PTF1A: variants seen among roughly 807,000 people sequenced by gnomAD.
The protein encoded by PTF1A is pancreas transcription factor 1 subunit alpha.
In PTF1A, 18 loss-of-function variants were observed where a neutral mutation model predicts 22.6. The ratio of observed to expected loss-of-function variants is 0.80; its 90% CI spans 0.55 to 1.18. The LOEUF (loss-of-function observed/expected upper bound fraction) is 1.18. Among genes scored for constraint, PTF1A ranks in the 50% most tolerant of loss-of-function variants. The pLI is 0.00. For missense variants in PTF1A, 477 were observed against 473.0 expected (o/e 1.01, Z -0.08); for synonymous variants, 259 against 227.9 (o/e 1.14, Z -1.23).
chr10:23,192,450 G>A lies in PTF1A; in HGVS notation c.-81G>A. 3 of 1,563,084 alleles carry A rather than the reference G, an allele frequency of 1.9e-6. No individual in the cohort carries two copies. Among genetic ancestry groups the A allele is most frequent in the South Asian group, 1.1e-5 (1 of 88,294 alleles). ...CCCCCAGCCAGGGCCCCGGGAGGGAGGGGCTCGGACGGGCCTTAGAAACTC... is the reference window on the plus strand; with the variant it reads ...CCCCCAGCCAGGGCCCCGGGAGGGAAGGGCTCGGACGGGCCTTAGAAACTC... On this transcript the variant is annotated 5_prime_UTR_variant, in exon 1 of 2. Coordinates refer to ENST00000376504, the MANE Select transcript of PTF1A (RefSeq NM_178161.3).
rs1291240550 is a variant in PTF1A, at chr10:23,192,489, A to ACGCGCAGCCCGGCAGT, written c.-40_-25dup. 1.3e-5 allele frequency: 20 copies of ACGCGCAGCCCGGCAGT among 1,592,284 alleles called. No homozygotes were observed. The highest frequency in any genetic ancestry group is 2.3e-5 in the East Asian group (1 of 42,952). ...CCTTAGAAACTCACCAAGAACTAAC[A>ACGCGCAGCCCGGCAGT]CGCGCAGCCCGGCAGTCCCGCTGCC... On this transcript the variant is annotated 5_prime_UTR_variant, in exon 1 of 2. Coordinates refer to ENST00000376504, the MANE Select transcript of PTF1A (RefSeq NM_178161.3).
Position 23,192,920 on chromosome 10 carries a change from A to G in PTF1A, c.390A>G (p.Ala130=), listed in dbSNP as rs1427350421. The G allele has an allele frequency of 1.6e-5, 20 of 1,224,928 alleles. No homozygotes were observed. The highest frequency in any genetic ancestry group is 1.9e-5 in the Non-Finnish European group (19 of 981,274). 75.9% of individuals were successfully genotyped at this position (1,224,928 alleles called of 1,614,324 possible). ...SCLAYPCAGA[A]VLSPGARLRG... ...TGGCCTACCCGTGCGCCGGGGCGGC[A>G]GTACTGTCTCCCGGGGCGCGGCTGC... Residue 130 remains alanine, a synonymous_variant, in exon 1 of 2, where the codon GCA becomes GCG. Coordinates refer to ENST00000376504, the MANE Select transcript of PTF1A (RefSeq NM_178161.3).
In PTF1A at chr10:23,192,639, G is replaced by A. The variant is rs1840903208; in HGVS notation, c.109G>A (p.Glu37Lys). ...CGACCAGTCTTCACGGGACCCCCTG[G>A]AGGACGGCGATGAGCTGCTGGCGGA... Reference protein sequence around the residue: ...FTDQSSRDPLEDGDELLADEQ... With the variant: ...FTDQSSRDPLKDGDELLADEQ... Residue 37 changes from glutamate (E) to lysine (K), a missense_variant, in exon 1 of 2, where the codon GAG becomes AAG. Physicochemically the swap from Glu to Lys is moderately conservative, Grantham distance 56. Transcript: ENST00000376504. 2.5e-6 allele frequency: 4 copies of A among 1,601,760 alleles called. No homozygotes were observed. Among genetic ancestry groups the A allele is most frequent in the Non-Finnish European group, 3.4e-6 (4 of 1,174,562 alleles).
Position 23,192,407 on chromosome 10 carries a change from C to T in PTF1A, c.-124C>T, listed in dbSNP as rs1351464701. 6.5e-6 allele frequency: 9 copies of T among 1,392,680 alleles called. No homozygotes were observed. The highest frequency in any genetic ancestry group is 8.6e-6 in the Non-Finnish European group (9 of 1,048,484). 86.3% of individuals were successfully genotyped at this position (1,392,680 alleles called of 1,614,324 possible). ...CCAGGGAGGCCCGGGGGCGGGCAGCCCGGCGGCCGCCTAGCTGCCCCCAGC... is the reference window on the plus strand; with the variant it reads ...CCAGGGAGGCCCGGGGGCGGGCAGCTCGGCGGCCGCCTAGCTGCCCCCAGC... On this transcript the variant is annotated 5_prime_UTR_variant, in exon 1 of 2. Transcript: ENST00000376504.
At position 23,193,737 on chromosome 10, in the gene PTF1A, T is replaced by C. The variant is rs1287713780; in HGVS notation, c.818T>C (p.Leu273Pro). 6.2e-7 allele frequency: 1 copy of C among 1,613,180 alleles called. No individual in the cohort carries two copies. The highest frequency in any genetic ancestry group is 8.5e-7 in the Non-Finnish European group (1 of 1,179,436). ...TCCCCCAGCGACCCTGATTATGGCC[T>C]CCCTCCCCTAGCAGGACACTCTCTC... is the stretch of plus-strand genomic sequence containing the variant. ...SPSPSDPDYG[L>P]PPLAGHSLSW... Residue 273 changes from leucine (L) to proline (P), a missense_variant, in exon 2 of 2, where the codon CTC becomes CCC. Transcript: ENST00000376504.
rs886046914 is a variant in PTF1A, at chr10:23,194,171, A to G, written c.*265A>G. The stretch of plus-strand genomic sequence containing the variant: ...CTGTGTTGTTGGGAGAACTCTGGCC[A>G]GAAAACGTCCTGCTTATTTATTGCC... On this transcript the variant is annotated 3_prime_UTR_variant, in exon 2 of 2. Transcript: ENST00000376504. 122 of 400,622 alleles carry G rather than the reference A, an allele frequency of 3.0e-4. No individual in the cohort carries two copies. The highest frequency in any genetic ancestry group is 5.0e-4 in the Non-Finnish European group (112 of 225,476). The allele number at this position is 400,622 out of a possible 1,614,324, so 24.8% of individuals were successfully genotyped here.
chr10:23,193,843 A>C lies in PTF1A; in HGVS notation c.924A>C (p.Lys308Asn). The C allele has an allele frequency of 1.2e-6, 2 of 1,614,040 alleles. No individual in the cohort carries two copies. The highest frequency in any genetic ancestry group is 1.7e-6 in the Non-Finnish European group (2 of 1,180,008). The change falls in exon 2 of 2, where the codon AAA becomes AAC. Residue 308 changes from lysine to asparagine, a missense_variant. Physicochemically the swap from Lys to Asn is moderately conservative, Grantham distance 94. Coordinates refer to ENST00000376504, the MANE Select transcript of PTF1A (RefSeq NM_178161.3). ...AKVWTPEDPR[K>N]LNSKSSFNNI... is the part of the protein sequence containing the mutation. Reference sequence around the variant, plus strand: ...TCTGGACCCCAGAGGACCCCAGAAAACTCAACAGCAAATCTTCCTTCAACA... The same window carrying C: ...TCTGGACCCCAGAGGACCCCAGAAACCTCAACAGCAAATCTTCCTTCAACA...
In PTF1A at chr10:23,193,243, G is replaced by A. The variant is rs1198450917; in HGVS notation, c.713G>A (p.Gly238Asp). The change falls in exon 1 of 2, where the codon GGC (glycine) becomes GAC (aspartate). Residue 238 changes from glycine (G) to aspartate (D), a missense_variant. Coordinates refer to ENST00000376504, the MANE Select transcript of PTF1A (RefSeq NM_178161.3). ...GGAGGCGGPG[G>D]GGRLGGDSPG... The stretch of plus-strand genomic sequence containing the variant: ...GCGGGCGGCTGCGGGGGGCCGGGCG[G>A]CGGCGGGCGCCTGGGCGGGGACAGC... 11 of 1,246,406 alleles carry A rather than the reference G, an allele frequency of 8.8e-6. No individual in the cohort carries two copies. The African/African-American group carries it at 1.7e-4, about 20-fold the overall frequency. The allele number at this position is 1,246,406 out of a possible 1,614,324, so 77.2% of individuals were successfully genotyped here. A position where few individuals can be genotyped will look rare whatever the true frequency, so the allele number is the denominator to read the frequency against.
At position 23,192,766 on chromosome 10, in the gene PTF1A, T is replaced by TAGCGCTCGCCCCGCC. The variant is rs1840908638; in HGVS notation, c.237_251dup (p.Ala80_Pro84dup). On this transcript the variant is annotated inframe_insertion, in exon 1 of 2. Transcript: ENST00000376504. ...CAGCCCGCGCCCCCGGCCGCCCCGC[T>TAGCGCTCGCCCCGCC]AGCGCTCGCCCCGCCGTCCTCGGGG... 8 of 1,396,896 alleles carry TAGCGCTCGCCCCGCC rather than the reference T, an allele frequency of 5.7e-6. No homozygotes were observed. Among genetic ancestry groups the TAGCGCTCGCCCCGCC allele is most frequent in the South Asian group, 1.6e-5 (1 of 61,408 alleles). 86.5% of individuals were successfully genotyped at this position (1,396,896 alleles called of 1,614,324 possible).
Position 23,192,331 on chromosome 10 carries a change from C to A in PTF1A, c.-200C>A. The A allele has an allele frequency of 2.1e-6, 1 of 480,008 alleles. No homozygotes were observed. The highest frequency in any genetic ancestry group is 3.4e-6 in the Non-Finnish European group (1 of 295,452). The allele number at this position is 480,008 out of a possible 1,614,324, so 29.7% of individuals were successfully genotyped here. A position where few individuals can be genotyped will look rare whatever the true frequency, so the allele number is the denominator to read the frequency against. ...TCAGCTCCAGGAAGTCCGCCACAGC[C>A]CTCCCCAGCGCAGCGCGAGCGCGGG... On this transcript the variant is annotated 5_prime_UTR_variant, in exon 1 of 2. Coordinates refer to ENST00000376504, the MANE Select transcript of PTF1A (RefSeq NM_178161.3).
At position 23,192,518 on chromosome 10, in the gene PTF1A, T is replaced by G. The variant is rs765377158; in HGVS notation, c.-13T>G. On this transcript the variant is annotated 5_prime_UTR_variant, in exon 1 of 2. Transcript: ENST00000376504. ...GCAGCCCGGCAGTCCCGCTGCCCAC[T>G]GCGGCGGCGAGCATGGACGCGGTGT... 1 of 1,592,212 alleles carries G rather than the reference T, an allele frequency of 6.3e-7. No individual in the cohort carries two copies. The highest frequency in any genetic ancestry group is 8.5e-7 in the Non-Finnish European group (1 of 1,171,312).
At position 23,192,983 on chromosome 10, in the gene PTF1A, C is replaced by G. The variant is rs1216661984; in HGVS notation, c.453C>G (p.Arg151=). Residue 151 remains arginine, a synonymous_variant, in exon 1 of 2, where the codon CGC becomes CGG. Transcript: ENST00000376504. ...GAGCGGCGGCTGCGGCGGCGCGGCG[C>G]CGGCGGCGGGTGCGCTCCGAGGCGG... is the stretch of plus-strand genomic sequence containing the variant. ...LSGAAAAAAR[R]RRRVRSEAEL... 7.9e-6 allele frequency: 9 copies of G among 1,134,700 alleles called. No individual in the cohort carries two copies. Among genetic ancestry groups the G allele is most frequent in the Middle Eastern group, 3.6e-4 (1 of 2,788 alleles). 70.3% of individuals were successfully genotyped at this position (1,134,700 alleles called of 1,614,324 possible).
rs1273123355 is a variant in PTF1A at position 23,193,525 on chromosome 10, CG to C, written c.785-178del. 4 of 738,640 alleles carry C rather than the reference CG, an allele frequency of 5.4e-6. No individual in the cohort carries two copies. In the African/African-American group the frequency reaches 7.0e-5, roughly 13 times the overall value. The allele number at this position is 738,640 out of a possible 1,614,324, so 45.8% of individuals were successfully genotyped here. A position where few individuals can be genotyped will look rare whatever the true frequency, so the allele number is the denominator to read the frequency against. On this transcript the variant is annotated intron_variant, in intron 1 of 1. Transcript: ENST00000376504. The stretch of plus-strand genomic sequence containing the variant: ...CGCGGCTCTCAAGGGCGCGCGTCCC[CG>C]CCAGACTTGCAGCTCCTCGGATTCC...
chr10:23,192,736 T>A lies in PTF1A; in HGVS notation c.206T>A (p.Leu69Gln), dbSNP rs1840907837. ...EYCYRDGACL[L>Q]LQPAPPAAPL... ...TGCTACCGCGACGGGGCGTGCCTGC[T>A]GCTGCAGCCCGCGCCCCCGGCCGCC... is the stretch of plus-strand genomic sequence containing the variant. Residue 69 changes from leucine to glutamine, a missense_variant, in exon 1 of 2, where the codon CTG becomes CAG. Coordinates refer to ENST00000376504, the MANE Select transcript of PTF1A (RefSeq NM_178161.3). The A allele has an allele frequency of 1.3e-6, 2 of 1,488,994 alleles. No individual in the cohort carries two copies. Among genetic ancestry groups the A allele is most frequent in the Non-Finnish European group, 1.8e-6 (2 of 1,121,968 alleles). 92.2% of individuals were successfully genotyped at this position (1,488,994 alleles called of 1,614,324 possible). A position where few individuals can be genotyped will look rare whatever the true frequency, so the allele number is the denominator to read the frequency against.
chr10:23,192,344 G>A lies in PTF1A; in HGVS notation c.-187G>A, dbSNP rs1475342495. 2 of 554,924 alleles carry A rather than the reference G, an allele frequency of 3.6e-6. No homozygotes were observed. The highest frequency in any genetic ancestry group is 4.0e-5 in the South Asian group (1 of 24,856). The allele number at this position is 554,924 out of a possible 1,614,324, so 34.4% of individuals were successfully genotyped here. ...GTCCGCCACAGCCCTCCCCAGCGCA[G>A]CGCGAGCGCGGGCCAGAGCGCAGCG... On this transcript the variant is annotated 5_prime_UTR_variant, in exon 1 of 2. Coordinates refer to ENST00000376504, the MANE Select transcript of PTF1A (RefSeq NM_178161.3).
chr10:23,192,434 A>C lies in PTF1A; in HGVS notation c.-97A>C, dbSNP rs941466295. On this transcript the variant is annotated 5_prime_UTR_variant, in exon 1 of 2. Coordinates refer to ENST00000376504, the MANE Select transcript of PTF1A (RefSeq NM_178161.3). ...GGCGGCCGCCTAGCTGCCCCCAGCC[A>C]GGGCCCCGGGAGGGAGGGGCTCGGA... 259 of 1,418,342 alleles carry C rather than the reference A, an allele frequency of 1.8e-4. No individual in the cohort carries two copies. The highest frequency in any genetic ancestry group is 7.1e-4 in the East Asian group (22 of 30,864). The allele number at this position is 1,418,342 out of a possible 1,614,324, so 87.9% of individuals were successfully genotyped here.
chr10:23,193,192 C>CCGAT lies in PTF1A; in HGVS notation c.665_666insTCGA (p.Leu223ArgfsTer49). The CCGAT allele has an allele frequency of 1.5e-6, 2 of 1,356,166 alleles. No individual in the cohort carries two copies. Among genetic ancestry groups the CCGAT allele is most frequent in the Non-Finnish European group, 1.9e-6 (2 of 1,045,204 alleles). 84.0% of individuals were successfully genotyped at this position (1,356,166 alleles called of 1,614,324 possible). A position where few individuals can be genotyped will look rare whatever the true frequency, so the allele number is the denominator to read the frequency against. On this transcript the variant is annotated frameshift_variant, in exon 1 of 2. Coordinates refer to ENST00000376504, the MANE Select transcript of PTF1A (RefSeq NM_178161.3). LOFTEE classifies it high-confidence loss of function. The stretch of plus-strand genomic sequence containing the variant: ...AACTTCCTCAGCGAGCTCGTGCAGG[C>CCGAT]CGACCTGCCCTTGCGCGGCGGTGGC...
At chr10:23,193,463 G>GTTTTTTTTTTTTTTTTT in intron 1 of PTF1A, 149 bp downstream of exon 1, 1 of 601,924 alleles carries the variant, frequency 1.7e-6, no homozygotes, top group Non-Finnish European at 2.6e-6. Context: ...CGCGTTTCTC[G>GTTTTTTTTTTTTTTTTT]TTTTTTTTTT....
chr10:23,192,904 C>T lies in PTF1A; in HGVS notation c.374C>T (p.Pro125Leu). ...TCGCCGCCCTCGTGCCTGGCCTACC[C>T]GTGCGCCGGGGCGGCAGTACTGTCT... Reference protein sequence around the residue: ...PGSPPSCLAYPCAGAAVLSPG... With the variant: ...PGSPPSCLAYLCAGAAVLSPG... Residue 125 changes from proline to leucine, a missense_variant, in exon 1 of 2, where the codon CCG becomes CTG. By Grantham distance (98) the Pro-to-Leu change is moderately conservative. Transcript: ENST00000376504. The T allele has an allele frequency of 7.8e-7, 1 of 1,275,132 alleles. No homozygotes were observed. Among genetic ancestry groups the T allele is most frequent in the Non-Finnish European group, 9.9e-7 (1 of 1,006,662 alleles). The allele number at this position is 1,275,132 out of a possible 1,614,324, so 79.0% of individuals were successfully genotyped here. A position where few individuals can be genotyped will look rare whatever the true frequency, so the allele number is the denominator to read the frequency against.
Sources: gnomAD v4.1 joint callset for allele counts on GRCh38, gnomAD v4.1.1 for gene constraint, MANE v1.5 for transcripts, NCBI Gene and HGNC (gene_info 2026-07-23, HGNC 2026-07-21) for gene names.